The following AAK1 variants were observed in gnomAD, a reference collection of about 807,000 sequenced individuals.
AAK1 encodes the protein AP2-associated protein kinase 1.
Under a neutral mutation model 116.0 loss-of-function variants are expected in AAK1, and 37 were observed. The ratio of observed to expected loss-of-function variants is 0.32; its 90% CI spans 0.25 to 0.42. AAK1 has a LOEUF of 0.42. AAK1 is among the 10% of genes least tolerant of loss of function. AAK1 has a pLI of 1.00. For missense variants in AAK1, 919 were observed against 1,170.6 expected (o/e 0.79, Z 3.14); for synonymous variants, 458 against 439.9 (o/e 1.04, Z -0.51).
In AAK1 at chr2:69,463,072, C is replaced by A. The variant is rs1674382673; in HGVS notation, c.*12797G>T. Reference sequence around the variant, plus strand: ...GACAAAGTATTGAAAAGTAGCTGCTCATTTTTTACTGCCAATATTCCTGAA... The same window carrying A: ...GACAAAGTATTGAAAAGTAGCTGCTAATTTTTTACTGCCAATATTCCTGAA... On this transcript the variant is annotated 3_prime_UTR_variant, in exon 22 of 22. Transcript: ENST00000409085. 1 of 152,164 alleles carries A rather than the reference C, an allele frequency of 6.6e-6. No homozygotes were observed. The highest frequency in any genetic ancestry group is 6.6e-5 in the Admixed American group (1 of 15,266). The allele number at this position is 152,164 out of a possible 1,614,324, so 9.4% of individuals were successfully genotyped here.
At chr2:69,572,747 T>C (rs1453161847) in intron 2 of AAK1, among the ~76,000 whole-genome samples, 2 of 152,068 alleles carry the variant, frequency 1.3e-5, no homozygotes, top group African/African-American at 2.4e-5. Context: ...GAAAATGCTG[T>C]ATGCACAAGA....
At chr2:69,535,052 C>T (rs1357522308) in intron 5 of AAK1, among the ~76,000 whole-genome samples, 1 of 152,200 alleles carries the variant, frequency 6.6e-6, no homozygotes, top group Non-Finnish European at 1.5e-5. Flanking sequence ...ATCACTTATT[C>T]AGCATCATTC....
At chr2:69,534,697 C>A (rs4852825) in intron 5 of AAK1, among the ~76,000 whole-genome samples, 78,638 of 152,154 alleles carry the variant, frequency 0.52, 21,854 homozygotes, top group East Asian at 0.77. Flanking sequence ...CTTCAGGCCA[C>A]ATCAAACCAT....
intron 15 of AAK1, among the ~76,000 whole-genome samples, chr2:69,506,182 G>A (rs937763274): frequency 7.2e-5 from 11 of 152,302 alleles, no homozygotes; most frequent in African/African-American, 2.6e-4. Flanking sequence ...AGAAAAGGGA[G>A]AGGAAATTAT....
chr2:69,537,234 A>G (rs566183789), intron 5 of AAK1, among the ~76,000 whole-genome samples: 1 of 152,378 alleles, frequency 6.6e-6, no homozygotes, highest in Non-Finnish European at 1.5e-5. Flanking sequence ...TAAAATGGGG[A>G]AAATGATTAA....
intron 2 of AAK1, among the ~76,000 whole-genome samples, chr2:69,611,156 G>A (rs901703452): frequency 1.3e-5 from 2 of 152,206 alleles, no homozygotes; most frequent in Non-Finnish European, 2.9e-5. Flanking sequence ...GGTGGACTAC[G>A]AGGGGGAGAC....
At position 69,505,134 on chromosome 2, in the gene AAK1, C is replaced by CA. The variant is rs1491532226; in HGVS notation, c.2269+434_2269+435insT. On this transcript the variant is annotated intron_variant, in intron 16 of 21. Transcript: ENST00000409085. Reference sequence around the variant, plus strand: ...GCGTGCGTGCGTGTGCGCACACACACCCACACACACACACACACACACAGT... The same window carrying CA: ...GCGTGCGTGCGTGTGCGCACACACACACCACACACACACACACACACACAGT... Among the ~76,000 whole-genome samples, 306 of 88,454 alleles carry CA rather than the reference C, an allele frequency of 3.5e-3. 2 individuals are homozygous for CA. The highest frequency in any genetic ancestry group is 0.017 in the African/African-American group (297 of 17,498). 58.0% of individuals were successfully genotyped at this position (88,454 alleles called of 152,430 possible).
intron 16 of AAK1, among the ~76,000 whole-genome samples, chr2:69,503,766 C>G (rs1324656596): frequency 6.6e-6 from 1 of 152,140 alleles, no homozygotes; most frequent in African/African-American, 2.4e-5. Context: ...AGCGATCTGC[C>G]CACCTCGGCC....
chr2:69,589,120 A>G (rs1443424783), intron 2 of AAK1, among the ~76,000 whole-genome samples: 1 of 152,232 alleles, frequency 6.6e-6, no homozygotes. Context: ...CAGAGTTTTC[A>G]CTGAATCCCT....
In AAK1 at chr2:69,532,132, G is replaced by A. The variant is rs1383606035; in HGVS notation, c.565C>T (p.His189Tyr). 8 of 1,613,478 alleles carry A rather than the reference G, an allele frequency of 5.0e-6. No individual in the cohort carries two copies. Among genetic ancestry groups the A allele is most frequent in the Admixed American group, 1.7e-5 (1 of 59,986 alleles). Residue 189 changes from histidine (H) to tyrosine (Y), a missense_variant, in exon 6 of 22, where the codon CAC becomes TAC. Physicochemically the swap from His to Tyr is moderately conservative, Grantham distance 83 (BLOSUM62 2). Coordinates refer to ENST00000409085, the MANE Select transcript of AAK1 (RefSeq NM_014911.5). ...CTTCCAAAGTCACACAGGACATAGT[G>A]GCCTCGGTCATGCAAGAGGATGTTT... is the stretch of plus-strand genomic sequence containing the variant. ...VENILLHDRG[H>Y]YVLCDFGSAT...
At chr2:69,592,732 T>C (rs184522864) in intron 2 of AAK1, among the ~76,000 whole-genome samples, 4 of 152,336 alleles carry the variant, frequency 2.6e-5, no homozygotes, top group Non-Finnish European at 2.9e-5. Flanking sequence ...AGATTCACAG[T>C]TCTACCCTGA....
At chr2:69,488,639 A>AG (rs1461598127) in intron 17 of AAK1, among the ~76,000 whole-genome samples, 9 of 152,190 alleles carry the variant, frequency 5.9e-5, no homozygotes, top group Admixed American at 3.9e-4. Flanking sequence ...TAAATGGGCT[A>AG]GGGGGTCACC....
chr2:69,604,462 G>A (rs1382410860), intron 2 of AAK1, among the ~76,000 whole-genome samples: 14 of 151,974 alleles, frequency 9.2e-5, no homozygotes, highest in Non-Finnish European at 2.1e-4. Context: ...CCTCCTCTAG[G>A]GCACGACACC....
rs189717778 is a variant in AAK1, at chr2:69,511,857, A to G, written c.1777-2397T>C. 5.9e-3 allele frequency among the ~76,000 whole-genome samples: 897 copies of G among 152,290 alleles called. 7 individuals are homozygous for G. The highest frequency in any genetic ancestry group is 0.02 in the African/African-American group (851 of 41,546). The stretch of plus-strand genomic sequence containing the variant: ...GAAGATTAGATGCCTCCTTCAGGAC[A>G]CCTTGCCCTATAACAGCAATCTACA... On this transcript the variant is annotated intron_variant, in intron 13 of 21. Coordinates refer to ENST00000409085, the MANE Select transcript of AAK1 (RefSeq NM_014911.5).
intron 2 of AAK1, among the ~76,000 whole-genome samples, chr2:69,628,706 G>C (rs888652159): frequency 6.6e-6 from 1 of 152,266 alleles, no homozygotes; most frequent in Non-Finnish European, 1.5e-5. Context: ...TTTTAAAAGA[G>C]AAAGGAATAC....
chr2:69,611,262 G>A (rs919519593), intron 2 of AAK1, among the ~76,000 whole-genome samples: 13 of 151,962 alleles, frequency 8.6e-5, no homozygotes, highest in Admixed American at 2.0e-4. Flanking sequence ...GAGTCTTCTC[G>A]CTCTCTCTCT....
intron 2 of AAK1, among the ~76,000 whole-genome samples, chr2:69,633,617 A>C (rs1054892866): frequency 2.1e-5 from 3 of 144,890 alleles, no homozygotes; most frequent in African/African-American, 7.8e-5. Context: ...AAAAAAAAAA[A>C]CTCAGTAGTC....
At chr2:69,550,178 C>G (rs1036485272) in intron 3 of AAK1, among the ~76,000 whole-genome samples, 13 of 152,214 alleles carry the variant, frequency 8.5e-5, no homozygotes, top group African/African-American at 3.1e-4. Flanking sequence ...CTGCACCGCA[C>G]TGAGCTCTCT....
In AAK1 at chr2:69,467,226, A is replaced by G. The variant is rs1227066948; in HGVS notation, c.*8643T>C. ...ATTTTGTTTTCAGTCTTCTAAGTTCATAAAGATCTCCTCTGCTTAAATGAA... is the reference window on the plus strand; with the variant it reads ...ATTTTGTTTTCAGTCTTCTAAGTTCGTAAAGATCTCCTCTGCTTAAATGAA... On this transcript the variant is annotated 3_prime_UTR_variant, in exon 22 of 22. Transcript: ENST00000409085. The G allele has an allele frequency of 1.0e-6, 1 of 985,324 alleles. No individual in the cohort carries two copies. Among genetic ancestry groups the G allele is most frequent in the African/African-American group, 1.7e-5 (1 of 57,246 alleles). The allele number at this position is 985,324 out of a possible 1,614,324, so 61.0% of individuals were successfully genotyped here.
Sources: gnomAD v4.1 joint callset for allele counts (sites outside exome capture counted in the v4.1 genomes callset) on GRCh38, gnomAD v4.1.1 for gene constraint, MANE v1.5 for transcripts, NCBI Gene and HGNC (gene_info 2026-07-23, HGNC 2026-07-21) for gene names.